Variants in CCDC73 observed in about 807,000 individuals in gnomAD.
CCDC73 encodes coiled-coil domain-containing protein 73.
Under a neutral mutation model 116.5 loss-of-function variants are expected in CCDC73, and 95 were observed. The observed-to-expected ratio is 0.82, with a 90% CI of 0.69 to 0.97. CCDC73 has a LOEUF of 0.97. CCDC73 is among the 50% of genes least tolerant of loss of function. CCDC73 has a pLI of 0.00. For missense variants in CCDC73, 1,066 were observed against 1,206.8 expected (o/e 0.88, Z 1.73); for synonymous variants, 398 against 401.3 (o/e 0.99, Z 0.10).
intron 13 of CCDC73, among the ~76,000 whole-genome samples, chr11:32,637,041 A>G (rs1480202241): frequency 1.1e-5 from 1 of 92,954 alleles, no homozygotes; most frequent in Admixed American, 1.3e-4. Context: ...TTTTTTTGAG[A>G]AGGAGTCTCA....
At chr11:32,705,092 CCT>C (rs1849844521) in intron 3 of CCDC73, among the ~76,000 whole-genome samples, 1 of 152,220 alleles carries the variant, frequency 6.6e-6, no homozygotes, top group Admixed American at 6.5e-5. Flanking sequence ...GCTCTCCCAG[CCT>C]CTGCCAGTGC....
chr11:32,616,078 C>G lies in CCDC73; in HGVS notation c.1237G>C (p.Glu413Gln). The G allele has an allele frequency of 6.3e-7, 1 of 1,582,094 alleles. No individual in the cohort carries two copies. The highest frequency in any genetic ancestry group is 8.6e-7 in the Non-Finnish European group (1 of 1,168,954). Residue 413 changes from glutamate (E) to glutamine (Q), a missense_variant, in exon 15 of 18, where the codon GAA becomes CAA. Physicochemically the swap from Glu to Gln is conservative, Grantham distance 29. Coordinates refer to ENST00000335185, the MANE Select transcript of CCDC73 (RefSeq NM_001008391.4). The part of the protein sequence containing the change: ...ENSEMSTEKS[E>Q]NTIIQKYNTE... Reference sequence around the variant, plus strand: ...TTATATTTCTGTATAATGGTGTTTTCTGATTTTTCAGTTGACATTTCACTG... The same window carrying G: ...TTATATTTCTGTATAATGGTGTTTTGTGATTTTTCAGTTGACATTTCACTG...
At chr11:32,622,854 A>G (rs1045979589) in intron 14 of CCDC73, among the ~76,000 whole-genome samples, 51 of 151,936 alleles carry the variant, frequency 3.4e-4, no homozygotes, top group Non-Finnish European at 6.5e-4. Context: ...CCTGAGAGGT[A>G]AAGAAAAAAA....
At chr11:32,724,210 T>C (rs1289213220) in intron 2 of CCDC73, among the ~76,000 whole-genome samples, 4 of 152,162 alleles carry the variant, frequency 2.6e-5, no homozygotes, top group Non-Finnish European at 1.5e-5. Flanking sequence ...CTCATACTTT[T>C]CTTATTTTAA....
At chr11:32,755,123 T>C (rs942881774) in intron 2 of CCDC73, among the ~76,000 whole-genome samples, 2 of 148,458 alleles carry the variant, frequency 1.3e-5, no homozygotes, top group South Asian at 4.3e-4. Context: ...CCTGACCTCG[T>C]GATCCACCCA....
chr11:32,637,948 A>G (rs780898068), intron 13 of CCDC73, among the ~76,000 whole-genome samples: 5 of 152,204 alleles, frequency 3.3e-5, no homozygotes, highest in Non-Finnish European at 7.4e-5. Flanking sequence ...CAGTTCTCAA[A>G]TTAAACTCAT....
intron 3 of CCDC73, among the ~76,000 whole-genome samples, chr11:32,714,739 C>T (rs1849930347): frequency 6.6e-6 from 1 of 152,086 alleles, no homozygotes; most frequent in Non-Finnish European, 1.5e-5. Flanking sequence ...AGGTATGGAT[C>T]AAGACAGCCT....
intron 1 of CCDC73, among the ~76,000 whole-genome samples, chr11:32,770,044 T>C (rs1850478399): frequency 6.6e-6 from 1 of 152,242 alleles, no homozygotes; most frequent in Non-Finnish European, 1.5e-5. Flanking sequence ...AGCAGTAATT[T>C]ATTATTTGTC....
At chr11:32,710,316 A>G (rs1849888365) in intron 3 of CCDC73, among the ~76,000 whole-genome samples, 1 of 152,152 alleles carries the variant, frequency 6.6e-6, no homozygotes, top group Non-Finnish European at 1.5e-5. Flanking sequence ...TGATACAGGC[A>G]TTTAATGCTA....
chr11:32,636,435 A>C (rs1392951818), intron 13 of CCDC73, among the ~76,000 whole-genome samples: 1 of 152,106 alleles, frequency 6.6e-6, no homozygotes, highest in Non-Finnish European at 1.5e-5. Flanking sequence ...TTCACTCCCT[A>C]TAAAATTTCA....
At chr11:32,717,219 G>T (rs559935059) in intron 3 of CCDC73, among the ~76,000 whole-genome samples, 2 of 152,136 alleles carry the variant, frequency 1.3e-5, no homozygotes, top group Non-Finnish European at 2.9e-5. Context: ...ACAGAAATCA[G>T]CATAATTACA....
chr11:32,641,904 T>C lies in CCDC73; in HGVS notation c.1050+68A>G, dbSNP rs1303922747. 3.4e-5 allele frequency: 39 copies of C among 1,145,100 alleles called. No individual in the cohort carries two copies. The Admixed American group carries it at 1.5e-3, about 43-fold the overall frequency. 70.9% of individuals were successfully genotyped at this position (1,145,100 alleles called of 1,614,324 possible). ...ATATTTTTGCAATATTTTCTTAGCA[T>C]TTATAGTTATTTTAAATGTCTAAAA... On this transcript the variant is annotated intron_variant, in intron 13 of 17. Transcript: ENST00000335185.
At chr11:32,803,456 C>T in the CCDC73 span, among the ~76,000 whole-genome samples, 4 of 152,214 alleles carry the variant, frequency 2.6e-5, no homozygotes, top group Non-Finnish European at 5.9e-5. Context: ...AAACAGCATG[C>T]ACCTTTTAGT....
intron 13 of CCDC73, among the ~76,000 whole-genome samples, chr11:32,637,177 G>A (rs1855689706): frequency 6.6e-6 from 1 of 151,568 alleles, no homozygotes; most frequent in Non-Finnish European, 1.5e-5. Context: ...GCACCACCAC[G>A]CCCAGCTAAT....
At chr11:32,827,055 G>A in the CCDC73 span, among the ~76,000 whole-genome samples, 7 of 151,878 alleles carry the variant, frequency 4.6e-5, no homozygotes, top group African/African-American at 9.7e-5. Context: ...TAGTAGAGAC[G>A]GGGTTTCACT....
chr11:32,637,011 CTT>C (rs750191536), intron 13 of CCDC73, among the ~76,000 whole-genome samples: 1 of 62,316 alleles, frequency 1.6e-5, no homozygotes, highest in South Asian at 4.6e-4. Flanking sequence ...TTCACTTTTT[CTT>C]TTTCTTTTTT....
rs372961759 is a variant in CCDC73 at position 32,613,895 on chromosome 11, T to C, written c.2423A>G (p.Asn808Ser). 82 of 1,613,026 alleles carry C rather than the reference T, an allele frequency of 5.1e-5. No homozygotes were observed. The highest frequency in any genetic ancestry group is 6.7e-5 in the Admixed American group (4 of 60,006). The part of the protein sequence containing the change: ...MKTCTETEFS[N>S]KKNQIDENQV... Reference sequence around the variant, plus strand: ...ATTCTCATCAATCTGATTCTTTTTATTGGAAAACTCTGTTTCTGTGCAAGT... The same window carrying C: ...ATTCTCATCAATCTGATTCTTTTTACTGGAAAACTCTGTTTCTGTGCAAGT... The change falls in exon 16 of 18, where the codon AAT becomes AGT. Residue 808 changes from asparagine to serine, a missense_variant. Transcript: ENST00000335185.
intron 2 of CCDC73, among the ~76,000 whole-genome samples, chr11:32,731,820 A>G (rs1781648454): frequency 6.6e-6 from 1 of 152,264 alleles, no homozygotes; most frequent in Non-Finnish European, 1.5e-5. Context: ...AAACCAGAGC[A>G]GAAAAGTTGA....
rs553754236 is a variant in CCDC73, at chr11:32,790,069, AG to A, written c.-16+4543del. On this transcript the variant is annotated intron_variant, in intron 1 of 17. Transcript: ENST00000335185. ...ACATCATTTTAAATGAGGAACTAAAAGTAGTGTAGGGAGATTGAAGTCTAAC... is the reference window on the plus strand; with the variant it reads ...ACATCATTTTAAATGAGGAACTAAAATAGTGTAGGGAGATTGAAGTCTAAC... Among the ~76,000 whole-genome samples, 22 of 152,304 alleles carry A rather than the reference AG, an allele frequency of 1.4e-4. No homozygotes were observed. In the South Asian group the frequency reaches 3.3e-3, roughly 23 times the overall value.
Sources: allele counts gnomAD v4.1 joint callset (sites outside exome capture counted in the v4.1 genomes callset), GRCh38; gene constraint gnomAD v4.1.1; transcripts MANE v1.5; gene names NCBI Gene and HGNC (gene_info 2026-07-23, HGNC 2026-07-21).